The following ATP8A2 variants were observed in gnomAD, a reference collection of about 807,000 sequenced individuals.
The protein encoded by ATP8A2 is ATPase phospholipid transporting 8A2.
ATP8A2 carries 100 observed loss-of-function variants against 165.6 expected under a neutral mutation model. The observed-to-expected ratio is 0.60, with a 90% CI of 0.51 to 0.71. The LOEUF (loss-of-function observed/expected upper bound fraction) is 0.71, where lower values mean the gene tolerates loss of function less well. ATP8A2 is among the 30% of genes least tolerant of loss of function. ATP8A2 has a pLI of 0.00. For missense variants in ATP8A2, 1,227 were observed against 1,479.5 expected (o/e 0.83, Z 2.80); for synonymous variants, 543 against 548.8 (o/e 0.99, Z 0.15).
chr13:25,662,706 C>T (rs2042075611), intron 24 of ATP8A2, among the ~76,000 whole-genome samples: 1 of 152,092 alleles, frequency 6.6e-6, no homozygotes, highest in South Asian at 2.1e-4. Flanking sequence ...GAGCCCTTGG[C>T]AACATTGTTT....
At chr13:25,506,940 C>CATATATATATATATATATATATATATAT (rs59774160) in intron 2 of ATP8A2, among the ~76,000 whole-genome samples, 23 of 128,690 alleles carry the variant, frequency 1.8e-4, no homozygotes, top group South Asian at 2.5e-4. Context: ...CAGTACAGTA[C>CATATATATATATATATATATATATATAT]ATATATATAT....
chr13:25,773,445 C>T (rs183112360), intron 26 of ATP8A2, among the ~76,000 whole-genome samples: 5 of 152,276 alleles, frequency 3.3e-5, no homozygotes, highest in African/African-American at 1.2e-4. Flanking sequence ...GAAGGCAAAG[C>T]CAGGCTAAGG....
intron 10 of ATP8A2, among the ~76,000 whole-genome samples, chr13:25,550,948 C>G (rs1048193433): frequency 3.9e-5 from 6 of 152,156 alleles, no homozygotes; most frequent in Non-Finnish European, 7.3e-5. Flanking sequence ...AAGGTCTTCT[C>G]TAGATTTTTA....
chr13:25,559,116 GT>G, intron 14 of ATP8A2, 55 bp downstream of exon 14: 1 of 1,265,580 alleles, frequency 7.9e-7, no homozygotes, highest in Non-Finnish European at 1.1e-6. Flanking sequence ...AAGAAAATAA[GT>G]TTATTTTTAG....
intron 27 of ATP8A2, among the ~76,000 whole-genome samples, chr13:25,806,379 C>T (rs771084138): frequency 3.3e-5 from 5 of 152,042 alleles, no homozygotes; most frequent in South Asian, 2.1e-4. Context: ...CAGGCATTTG[C>T]GCAGGCCCAC....
At chr13:25,782,916 T>C (rs2044920166) in intron 27 of ATP8A2, among the ~76,000 whole-genome samples, 1 of 152,072 alleles carries the variant, frequency 6.6e-6, no homozygotes. Flanking sequence ...ATTTTTTGTA[T>C]TTTTAGGAGA....
chr13:25,599,202 TGAG>T (rs1231171717), intron 24 of ATP8A2, among the ~76,000 whole-genome samples: 13 of 152,252 alleles, frequency 8.5e-5, no homozygotes, highest in Admixed American at 2.6e-4. Flanking sequence ...TACAGATGCT[TGAG>T]CTCTTTCTCT....
chr13:25,507,969 A>C (rs187717611), intron 2 of ATP8A2, among the ~76,000 whole-genome samples: 1 of 152,332 alleles, frequency 6.6e-6, no homozygotes, highest in African/African-American at 2.4e-5. Context: ...AAAGTATATG[A>C]GGAGATGATA....
At chr13:25,524,582 A>G (rs973608655) in intron 2 of ATP8A2, among the ~76,000 whole-genome samples, 1 of 152,100 alleles carries the variant, frequency 6.6e-6, no homozygotes, top group Non-Finnish European at 1.5e-5. Flanking sequence ...CTTTATCATT[A>G]TAAAAATGAC....
rs60778003 is a variant in ATP8A2 at position 25,825,145 on chromosome 13, C to CTTTT, written c.2680-2947_2680-2944dup. 2.9e-4 allele frequency among the ~76,000 whole-genome samples: 8 copies of CTTTT among 27,508 alleles called. 1 individual carries two copies. The highest frequency in any genetic ancestry group is 4.4e-4 in the African/African-American group (3 of 6,754). The allele number at this position is 27,508 out of a possible 152,430, so 18.0% of individuals were successfully genotyped here. A position where few individuals can be genotyped will look rare whatever the true frequency, so the allele number is the denominator to read the frequency against. On this transcript the variant is annotated intron_variant, in intron 27 of 36. Transcript: ENST00000381655. ...CATAGTTTCATTGTGTATGTGTTTG[C>CTTTT]TTTTTTTTTTTTTTTTTTTTTTTTT...
Position 25,953,884 on chromosome 13 carries a change from T to G in ATP8A2, c.3184-7691T>G, listed in dbSNP as rs987710864. On this transcript the variant is annotated intron_variant, in intron 33 of 36. Transcript: ENST00000381655. This position sits in a 1 kb window ranked among gnomAD's most constrained non-coding sequence, Gnocchi z 6.7. ...AGACCAGGAGATTCCCTCCGGTGCC[T>G]ACATCACCAGGGCCCTGGGTTTCAA... Among the ~76,000 whole-genome samples the G allele has an allele frequency of 1.3e-5, 2 of 152,118 alleles. No individual in the cohort carries two copies. The highest frequency in any genetic ancestry group is 4.8e-5 in the African/African-American group (2 of 41,446).
At chr13:25,925,407 G>A (rs532499692) in intron 33 of ATP8A2, among the ~76,000 whole-genome samples, 12 of 152,038 alleles carry the variant, frequency 7.9e-5, no homozygotes, top group South Asian at 6.2e-4. Context: ...GGTGGCAGGC[G>A]CCTGTAGTCC....
chr13:25,644,675 C>CT (rs2041624515), intron 24 of ATP8A2, among the ~76,000 whole-genome samples: 1 of 152,106 alleles, frequency 6.6e-6, no homozygotes, highest in Admixed American at 6.6e-5. Flanking sequence ...GTGGAGCCAT[C>CT]TAGCCTTGGG....
At chr13:25,923,650 G>A (rs996011228) in intron 33 of ATP8A2, among the ~76,000 whole-genome samples, 2 of 150,854 alleles carry the variant, frequency 1.3e-5, no homozygotes, top group Admixed American at 6.6e-5. Flanking sequence ...TGTAAAATAG[G>A]CATGATCATA....
chr13:25,561,393 A>AT (rs924807199), intron 15 of ATP8A2, among the ~76,000 whole-genome samples: 20 of 151,176 alleles, frequency 1.3e-4, no homozygotes, highest in Non-Finnish European at 2.5e-4. Context: ...ACTTCCTGGT[A>AT]TTTTTTTCAC....
intron 24 of ATP8A2, among the ~76,000 whole-genome samples, chr13:25,601,693 G>T (rs376456899): frequency 8.5e-5 from 13 of 152,136 alleles, no homozygotes; most frequent in Non-Finnish European, 2.9e-5. Flanking sequence ...AGTTGCTGTC[G>T]AACTGAACTC....
At chr13:25,963,094 C>A (rs909472472) in intron 34 of ATP8A2, among the ~76,000 whole-genome samples, 6 of 151,688 alleles carry the variant, frequency 4.0e-5, no homozygotes, top group Non-Finnish European at 7.4e-5. Flanking sequence ...ATAGATGTAC[C>A]ATAAGAACAT....
chr13:25,623,962 TTGTG>T (rs112670931), intron 24 of ATP8A2, among the ~76,000 whole-genome samples: 2 of 151,312 alleles, frequency 1.3e-5, no homozygotes, highest in Non-Finnish European at 3.0e-5. Context: ...TATATCTATA[TTGTG>T]TGTGTGTGTG....
chr13:25,818,524 C>T (rs1052094538), intron 27 of ATP8A2, among the ~76,000 whole-genome samples: 13 of 152,226 alleles, frequency 8.5e-5, no homozygotes, highest in Admixed American at 5.2e-4. Flanking sequence ...CTCTGTGCCC[C>T]GATTTCCTCA....
Sources: gnomAD v4.1 joint callset for allele counts (sites outside exome capture counted in the v4.1 genomes callset) on GRCh38, gnomAD v4.1.1 for gene constraint, Gnocchi (gnomAD v3.1) non-coding constraint, MANE v1.5 for transcripts, NCBI Gene and HGNC (gene_info 2026-07-23, HGNC 2026-07-21) for gene names.